The following CDAN1 variants were observed in gnomAD, a reference collection of about 807,000 sequenced individuals.
CDAN1 encodes codanin-1.
CDAN1 carries 107 observed loss-of-function variants against 139.8 expected under a neutral mutation model. The observed-to-expected ratio is 0.77, with a 90% CI of 0.65 to 0.90. The LOEUF is 0.90. Ranked by LOEUF, CDAN1 falls within the 40% of genes least tolerant of loss-of-function variation. The pLI is 0.00. For missense variants in CDAN1, 1,667 were observed against 1,575.7 expected (o/e 1.06, Z -0.98); for synonymous variants, 776 against 660.6 (o/e 1.17, Z -2.68).
chr15:42,729,672 C>A lies in CDAN1; in HGVS notation c.2353-50G>T, dbSNP rs374116490. 6.2e-5 allele frequency: 99 copies of A among 1,609,052 alleles called. No individual in the cohort carries two copies. In the African/African-American group the frequency reaches 1.2e-3, roughly 19 times the overall value. On this transcript the variant is annotated intron_variant, in intron 16 of 27. Transcript: ENST00000356231. Reference sequence around the variant, plus strand: ...CAGACTGCCCCTCCCCCAGCGCACCCAGAAAGCAGGCAGTTGGCAGGGCCT... The same window carrying A: ...CAGACTGCCCCTCCCCCAGCGCACCAAGAAAGCAGGCAGTTGGCAGGGCCT...
rs1167690494 is a variant in CDAN1, at chr15:42,729,316, T to G, written c.2454A>C (p.Gly818=). The G allele has an allele frequency of 6.2e-7, 1 of 1,614,044 alleles. No individual in the cohort carries two copies. Among genetic ancestry groups the G allele is most frequent in the Non-Finnish European group, 8.5e-7 (1 of 1,180,000 alleles). ...LLASWVSGSS[G]RSGGFMRKIT... is the part of the protein sequence containing the mutation. ...TTTTCCTCATGAAGCCCCCACTCCG[T>G]CCACTACTGCCTGACACCCACGAAG... Residue 818 remains glycine (G), a synonymous_variant, in exon 18 of 28, where the codon GGA becomes GGC. Transcript: ENST00000356231.
In CDAN1 at chr15:42,724,594, G is replaced by A; in HGVS notation, c.3581C>T (p.Thr1194Ile). The change falls in exon 28 of 28, where the codon ACA becomes ATA. Residue 1194 changes from threonine (T) to isoleucine (I), a missense_variant. Thr to Ile is a moderately conservative substitution (Grantham distance 89). Coordinates refer to ENST00000356231, the MANE Select transcript of CDAN1 (RefSeq NM_138477.4). The part of the protein sequence containing the change: ...WPGDFAEELA[T>I]LSNLFLAEPH... ...CTCGGCTAGAAACAGATTAGACAGT[G>A]TTGCTAATTCTTCAGCAAAGTCCTG... is the stretch of plus-strand genomic sequence containing the variant. The A allele has an allele frequency of 6.4e-7, 1 of 1,552,266 alleles. No homozygotes were observed. The highest frequency in any genetic ancestry group is 8.7e-7 in the Non-Finnish European group (1 of 1,147,118).
chr15:42,725,766 G>A (rs972960604), intron 25 of CDAN1, 96 bp from the exon 26 acceptor site: 3 of 1,294,248 alleles, frequency 2.3e-6, no homozygotes, highest in Admixed American at 1.9e-5. Flanking sequence ...GCTGAGGTGG[G>A]CAGATCAGGG....
At chr15:42,730,268 G>T in intron 14 of CDAN1, 53 bp from the exon 15 acceptor site, 2 of 1,494,800 alleles carry the variant, frequency 1.3e-6, no homozygotes, top group African/African-American at 1.4e-5. Flanking sequence ...GAAGGGAATG[G>T]AGGCAAACGC....
In CDAN1 at chr15:42,726,417, C is replaced by T; in HGVS notation, c.3097G>A (p.Asp1033Asn). Reference protein sequence around the residue: ...LPSHLISEIKDVLSLAVGPRD... With the variant: ...LPSHLISEIKNVLSLAVGPRD... ...GGCCCCACGGCCAAGGAGAGCACGT[C>T]CTGTGAAGAGCAGGGGGAGATATCA... Residue 1033 changes from aspartate to asparagine, a missense_variant and splice_region_variant, in exon 24 of 28, where the codon GAC becomes AAC. Around this residue, in one of 3 missense-constraint regions of CDAN1, gnomAD observed 936 missense variants for 844.1 expected, o/e 1.11. Transcript: ENST00000356231. The T allele has an allele frequency of 1.3e-6, 2 of 1,587,762 alleles. No individual in the cohort carries two copies. The highest frequency in any genetic ancestry group is 8.6e-7 in the Non-Finnish European group (1 of 1,166,744).
At chr15:42,728,884 G>A in intron 19 of CDAN1, 74 bp from the exon 20 acceptor site, 1 of 1,604,970 alleles carries the variant, frequency 6.2e-7, no homozygotes, top group South Asian at 1.1e-5. Flanking sequence ...ATGGGAATTT[G>A]GTCAGAAATT....
rs141236475 is a variant in CDAN1 at position 42,728,130 on chromosome 15, C to T, written c.2868+74G>A. ...CTGACCCCGCCCCCACACACCCTCC[C>T]GCAGCCTCAGACTACTCCGTGCACC... On this transcript the variant is annotated intron_variant, in intron 21 of 27. Coordinates refer to ENST00000356231, the MANE Select transcript of CDAN1 (RefSeq NM_138477.4). 961 of 1,591,898 alleles carry T rather than the reference C, an allele frequency of 6.0e-4. 3 individuals are homozygous for T. In the African/African-American group the frequency reaches 0.011, roughly 18 times the overall value.
chr15:42,736,563 G>C lies in CDAN1; in HGVS notation c.308C>G (p.Pro103Arg). The C allele has an allele frequency of 6.7e-7, 1 of 1,485,698 alleles. No individual in the cohort carries two copies. 92.0% of individuals were successfully genotyped at this position (1,485,698 alleles called of 1,614,324 possible). Reference protein sequence around the residue: ...SRGARSQLFPPTEAQSTAAEA... With the variant: ...SRGARSQLFPRTEAQSTAAEA... ...GGCAGCGGTGCTCTGGGCCTCGGTC[G>C]GAGGGAAAAGCTGGCTGCGCGCCCC... is the stretch of plus-strand genomic sequence containing the variant. Residue 103 changes from proline to arginine, a missense_variant, in exon 2 of 28, where the codon CCG (proline) becomes CGG (arginine). Pro to Arg is a moderately radical substitution (Grantham distance 103). Transcript: ENST00000356231.
rs891467016 is a variant in CDAN1 at position 42,724,330 on chromosome 15, G to A, written c.*161C>T. ...CAACTCTCCTTCCTCTAGGATTCGC[G>A]TGGTGGGATGCCAGGCAGTGACACC... On this transcript the variant is annotated 3_prime_UTR_variant, in exon 28 of 28. Transcript: ENST00000356231. 34 of 925,420 alleles carry A rather than the reference G, an allele frequency of 3.7e-5. No individual in the cohort carries two copies. In the East Asian group the frequency reaches 4.7e-4, roughly 13 times the overall value. 57.3% of individuals were successfully genotyped at this position (925,420 alleles called of 1,614,324 possible).
intron 10 of CDAN1, 150 bp downstream of exon 10, chr15:42,732,183 T>C (rs1175751119): frequency 1.3e-6 from 1 of 793,920 alleles, no homozygotes; most frequent in Non-Finnish European, 2.2e-6. Flanking sequence ...GCCACTGGAG[T>C]TTCAGCCACT....
Position 42,727,898 on chromosome 15 carries a change from T to C in CDAN1, c.2947+57A>G, listed in dbSNP as rs371073719. ...ATCGCCCACAAGATGCCTCTGACTC[T>C]CTGCCAGTCCACTTTTTAAACACTT... On this transcript the variant is annotated intron_variant, in intron 22 of 27. Coordinates refer to ENST00000356231, the MANE Select transcript of CDAN1 (RefSeq NM_138477.4). The C allele has an allele frequency of 2.9e-4, 460 of 1,601,934 alleles. 1 individual carries two copies. In the African/African-American group the frequency reaches 4.3e-3, roughly 15 times the overall value.
chr15:42,730,614 GGA>G lies in CDAN1; in HGVS notation c.2156_2157del (p.Leu719ProfsTer15), dbSNP rs748456017. 6.2e-7 allele frequency: 1 copy of G among 1,614,208 alleles called. No individual in the cohort carries two copies. Among genetic ancestry groups the G allele is most frequent in the South Asian group, 1.1e-5 (1 of 91,076 alleles). ...LLEYYRDIFT[L>X]LLRLHRSLVL... Reference sequence around the variant, plus strand: ...TCCACTCACCGGTGCAGGCGCAGCAGGAGAGTGAAGATGTCCCGGTAATATTC... The same window carrying G: ...TCCACTCACCGGTGCAGGCGCAGCAGGAGTGAAGATGTCCCGGTAATATTC... On this transcript the variant is annotated frameshift_variant, in exon 14 of 28. Coordinates refer to ENST00000356231, the MANE Select transcript of CDAN1 (RefSeq NM_138477.4). LOFTEE classifies it high-confidence loss of function.
chr15:42,736,321 C>T lies in CDAN1; in HGVS notation c.550G>A (p.Val184Ile). 6.2e-7 allele frequency: 1 copy of T among 1,613,856 alleles called. No homozygotes were observed. Among genetic ancestry groups the T allele is most frequent in the African/African-American group, 1.3e-5 (1 of 75,046 alleles). ...NLEEFPPVGS[V>I]PPGPTGTKPS... Reference sequence around the variant, plus strand: ...TCTCACCCTGTAGGGCCGGGGGGAACCGAGCCTACGGGAGGGAACTCCTCC... The same window carrying T: ...TCTCACCCTGTAGGGCCGGGGGGAATCGAGCCTACGGGAGGGAACTCCTCC... The change falls in exon 2 of 28, where the codon GTT becomes ATT. Residue 184 changes from valine to isoleucine, a missense_variant. Transcript: ENST00000356231.
At chr15:42,725,395 GA>G in intron 26 of CDAN1, 93 bp downstream of exon 26, 2 of 1,531,894 alleles carry the variant, frequency 1.3e-6, no homozygotes, top group Non-Finnish European at 1.8e-6. Context: ...ACAGGAAGGG[GA>G]AATAAAGGAT....
Position 42,724,476 on chromosome 15 carries a change from G to A in CDAN1, c.*15C>T, listed in dbSNP as rs1364424735. The A allele has an allele frequency of 6.3e-6, 10 of 1,575,746 alleles. No homozygotes were observed. The highest frequency in any genetic ancestry group is 8.6e-6 in the Non-Finnish European group (10 of 1,159,802). On this transcript the variant is annotated 3_prime_UTR_variant, in exon 28 of 28. Coordinates refer to ENST00000356231, the MANE Select transcript of CDAN1 (RefSeq NM_138477.4). ...GGTTCTGGTGCAATGCCCAAGGCAG[G>A]GCCACTTCTCAGCCCTAGCTCTGGG...
rs886492399 is a variant in CDAN1, at chr15:42,725,975, CAAAAAAA to C, written c.3268+115_3268+121del. The stretch of plus-strand genomic sequence containing the variant: ...TGGGCAACAGAACAAGATTCCGTCT[CAAAAAAA>C]AAAAAAAAAAAAAAAAAAGGGACAG... On this transcript the variant is annotated intron_variant, in intron 25 of 27. Transcript: ENST00000356231. The C allele has an allele frequency of 8.7e-4, 308 of 354,054 alleles. 1 individual carries two copies. Among genetic ancestry groups the C allele is most frequent in the Middle Eastern group, 2.2e-3 (3 of 1,370 alleles). The allele number at this position is 354,054 out of a possible 1,614,324, so 21.9% of individuals were successfully genotyped here.
At chr15:42,728,139 A>G (rs2061557239) in intron 21 of CDAN1, 65 bp downstream of exon 21, 1 of 1,596,392 alleles carries the variant, frequency 6.3e-7, no homozygotes, top group Admixed American at 1.7e-5. Context: ...CCGCAGCCTC[A>G]GACTACTCCG....
rs756340132 is a variant in CDAN1, at chr15:42,735,475, GTGTCTCCAC to G, written c.943+26_943+34del. Reference sequence around the variant, plus strand: ...ATTCTCTTACCCATAAGTTCTACAAGTGTCTCCACTCCCGCTCCCTCCGCTCTCACTCAC... The same window carrying G: ...ATTCTCTTACCCATAAGTTCTACAAGTCCCGCTCCCTCCGCTCTCACTCAC... On this transcript the variant is annotated intron_variant, in intron 4 of 27. Coordinates refer to ENST00000356231, the MANE Select transcript of CDAN1 (RefSeq NM_138477.4). The G allele has an allele frequency of 2.7e-4, 438 of 1,612,468 alleles. No individual in the cohort carries two copies. In the African/African-American group the frequency reaches 5.4e-3, roughly 20 times the overall value.
rs764692459 is a variant in CDAN1 at position 42,735,897 on chromosome 15, G to T, written c.751C>A (p.Arg251=). ...TACCGCTCCTTCCTGAGCATCTCTCGCTCCTCTTGCAGACTTCTGCACCCT... is the reference window on the plus strand; with the variant it reads ...TACCGCTCCTTCCTGAGCATCTCTCTCTCCTCTTGCAGACTTCTGCACCCT... The part of the protein sequence containing the change: ...PPGCRSLQEE[R]EMLRKERSKQ... Residue 251 remains arginine (R), a synonymous_variant, in exon 3 of 28, where the codon CGA becomes AGA. Coordinates refer to ENST00000356231, the MANE Select transcript of CDAN1 (RefSeq NM_138477.4). The T allele has an allele frequency of 6.2e-7, 1 of 1,614,124 alleles. No individual in the cohort carries two copies. The highest frequency in any genetic ancestry group is 1.3e-5 in the African/African-American group (1 of 75,026).
Sources: allele counts gnomAD v4.1 joint callset, GRCh38; gene constraint gnomAD v4.1.1; regional missense constraint gnomAD v4.1.1; transcripts MANE v1.5; gene names NCBI Gene and HGNC (gene_info 2026-07-23, HGNC 2026-07-21).